The following ATRNL1 variants were observed in gnomAD, a reference collection of about 807,000 sequenced individuals.
ATRNL1 encodes attractin-like protein 1.
A neutral mutation model predicts 182.7 loss-of-function variants in ATRNL1; 95 were observed. The observed-to-expected ratio is 0.52, with a 90% CI of 0.44 to 0.62. ATRNL1 has a LOEUF of 0.62. Among genes scored for constraint, ATRNL1 ranks in the 20% least tolerant of loss-of-function variants. The pLI, the probability that ATRNL1 is intolerant of heterozygous loss-of-function variation, is 0.00. For missense variants in ATRNL1, 1,471 were observed against 1,679.5 expected, an observed-to-expected ratio of 0.88 and a Z score of 2.17; for synonymous variants, 576 against 568.3, an observed-to-expected ratio of 1.01 and a Z score of -0.19.
At chr10:115,427,788 A>T (rs1845971744) in intron 21 of ATRNL1, among the ~76,000 whole-genome samples, 1 of 151,690 alleles carries the variant, frequency 6.6e-6, no homozygotes, top group Non-Finnish European at 1.5e-5. Flanking sequence ...CTATTTGCTT[A>T]TTTTTATGCT....
intron 28 of ATRNL1, among the ~76,000 whole-genome samples, chr10:115,912,965 C>T (rs1555116277): frequency 6.6e-6 from 1 of 152,070 alleles, no homozygotes; most frequent in Admixed American, 6.6e-5. Flanking sequence ...CTCCCAATTC[C>T]CCACAGTGTC....
chr10:115,567,331 A>T (rs1467450989), intron 26 of ATRNL1, among the ~76,000 whole-genome samples: 3 of 152,100 alleles, frequency 2.0e-5, no homozygotes, highest in African/African-American at 7.2e-5. Context: ...TGGTAAAGTG[A>T]ACTACTGTGT....
intron 21 of ATRNL1, among the ~76,000 whole-genome samples, chr10:115,445,694 A>G (rs1446700579): frequency 6.6e-6 from 1 of 151,866 alleles, no homozygotes; most frequent in East Asian, 1.9e-4. Flanking sequence ...CAGTTGTGCA[A>G]CGATCTGCAC....
At chr10:115,376,098 C>G (rs1554949463) in intron 19 of ATRNL1, among the ~76,000 whole-genome samples, 1 of 151,776 alleles carries the variant, frequency 6.6e-6, no homozygotes, top group Non-Finnish European at 1.5e-5. Flanking sequence ...GACACCTTTG[C>G]TGATGTAAAA....
intron 26 of ATRNL1, among the ~76,000 whole-genome samples, chr10:115,689,603 G>T (rs1555047442): frequency 2.0e-5 from 3 of 152,172 alleles, no homozygotes; most frequent in Non-Finnish European, 4.4e-5. Flanking sequence ...AGCAGGATCA[G>T]ACAGACTGAT....
At chr10:115,131,695 A>T (rs1554875224) in intron 5 of ATRNL1, among the ~76,000 whole-genome samples, 1 of 152,178 alleles carries the variant, frequency 6.6e-6, no homozygotes, top group East Asian at 1.9e-4. Context: ...GAGGTTCAAA[A>T]TCTGGTAGTT....
At chr10:115,846,179 A>T (rs1950923032) in intron 27 of ATRNL1, among the ~76,000 whole-genome samples, 1 of 152,074 alleles carries the variant, frequency 6.6e-6, no homozygotes, top group Non-Finnish European at 1.5e-5. Context: ...TTTTCTTGGA[A>T]CATTTTTATG....
chr10:115,845,011 G>GT (rs1328599510), intron 27 of ATRNL1, among the ~76,000 whole-genome samples: 5 of 151,866 alleles, frequency 3.3e-5, no homozygotes, highest in African/African-American at 1.2e-4. Flanking sequence ...AGATGTTTGG[G>GT]TTTTTTTGTA....
intron 19 of ATRNL1, among the ~76,000 whole-genome samples, chr10:115,379,468 A>G (rs1592560219): frequency 6.6e-6 from 1 of 152,352 alleles, no homozygotes; most frequent in Admixed American, 6.5e-5. Context: ...CTTTTAAGAA[A>G]TGTGGCAAGC....
At chr10:115,225,274 A>C (rs1056490522) in intron 9 of ATRNL1, among the ~76,000 whole-genome samples, 1 of 151,786 alleles carries the variant, frequency 6.6e-6, no homozygotes, top group African/African-American at 2.4e-5. Context: ...TGTATTTATG[A>C]TAAAACCTCT....
chr10:115,199,561 T>TA (rs1157748898), intron 8 of ATRNL1, among the ~76,000 whole-genome samples: 46 of 148,162 alleles, frequency 3.1e-4, no homozygotes, highest in South Asian at 8.5e-4. Flanking sequence ...AGATTTCATC[T>TA]AAAAAAAAAA....
chr10:115,836,827 A>G (rs2907554), intron 27 of ATRNL1, among the ~76,000 whole-genome samples: 117,465 of 152,168 alleles, frequency 0.77, 45,447 homozygotes, highest in Admixed American at 0.83. Context: ...GGAAACAACC[A>G]AGATCTGCTT....
rs74159846 is a variant in ATRNL1 at position 115,355,659 on chromosome 10, C to T, written c.3175+21240C>T. Among the ~76,000 whole-genome samples, 1,153 of 152,020 alleles carry T rather than the reference C, an allele frequency of 7.6e-3. 16 individuals are homozygous for T. The highest frequency in any genetic ancestry group is 0.027 in the African/African-American group (1,103 of 41,486). ...ACAGACATTAAAAAAAATTCCAATC[C>T]TATATAACTAATAGTTTCCTCCATT... On this transcript the variant is annotated intron_variant, in intron 19 of 28. Coordinates refer to ENST00000355044, the MANE Select transcript of ATRNL1 (RefSeq NM_207303.4).
intron 26 of ATRNL1, among the ~76,000 whole-genome samples, chr10:115,650,782 T>G (rs1323153494): frequency 6.6e-6 from 1 of 151,850 alleles, no homozygotes; most frequent in African/African-American, 2.4e-5. Context: ...GCTTATGGAG[T>G]GTTGTGTTGT....
chr10:115,138,812 T>C (rs1465836375), intron 5 of ATRNL1, among the ~76,000 whole-genome samples: 3 of 152,242 alleles, frequency 2.0e-5, no homozygotes, highest in African/African-American at 7.2e-5. Flanking sequence ...TATGCAAATT[T>C]ATGCAGCCAG....
At chr10:115,406,797 C>T (rs1844852691) in intron 20 of ATRNL1, among the ~76,000 whole-genome samples, 1 of 152,064 alleles carries the variant, frequency 6.6e-6, no homozygotes, top group South Asian at 2.1e-4. Flanking sequence ...TAGTAAATGT[C>T]ACTCTGTGGT....
intron 27 of ATRNL1, among the ~76,000 whole-genome samples, chr10:115,786,367 A>G (rs1555080432): frequency 1.3e-5 from 2 of 152,154 alleles, no homozygotes; most frequent in Non-Finnish European, 2.9e-5. Flanking sequence ...ACAGTTCTGG[A>G]GGCCAGAAGT....
chr10:115,411,638 C>G (rs1170502059), intron 20 of ATRNL1, among the ~76,000 whole-genome samples: 3 of 151,930 alleles, frequency 2.0e-5, no homozygotes, highest in Non-Finnish European at 4.4e-5. Context: ...TTGAAGGGTT[C>G]TGAGTTTTTA....
intron 27 of ATRNL1, among the ~76,000 whole-genome samples, chr10:115,835,115 A>G (rs555616198): frequency 1.3e-5 from 2 of 152,246 alleles, no homozygotes; most frequent in East Asian, 3.9e-4. Context: ...TTTCCAAGAG[A>G]CAATATGACT....
Sources: gnomAD v4.1 joint callset for allele counts (sites outside exome capture counted in the v4.1 genomes callset) on GRCh38, gnomAD v4.1.1 for gene constraint, MANE v1.5 for transcripts, NCBI Gene and HGNC (gene_info 2026-07-23, HGNC 2026-07-21) for gene names.